LY96: variants seen among roughly 807,000 people sequenced by gnomAD.
LY96 encodes lymphocyte antigen 96.
In LY96, 18 loss-of-function variants were observed where a neutral mutation model predicts 18.9. The ratio of observed to expected loss-of-function variants is 0.95; its 90% CI spans 0.66 to 1.41. The LOEUF (loss-of-function observed/expected upper bound fraction) is 1.41, where lower values mean the gene tolerates loss of function less well. LY96 is among the 40% of genes most tolerant of loss of function. The pLI is 0.00. For synonymous variants in LY96, 66 were observed against 62.6 expected, an observed-to-expected ratio of 1.06 and a Z score of -0.26; for missense variants, 175 against 182.4, an observed-to-expected ratio of 0.96 and a Z score of 0.23.
the LY96 span, among the ~76,000 whole-genome samples, chr8:74,034,381 A>G: frequency 6.6e-6 from 1 of 152,194 alleles, no homozygotes; most frequent in Non-Finnish European, 1.5e-5. Context: ...CTTAAAAAAA[A>G]AAAAATTCTT....
At position 74,006,621 on chromosome 8, in the gene LY96, T is replaced by C. The variant is rs1816418004; in HGVS notation, c.202+1736T>C. On this transcript the variant is annotated intron_variant, in intron 2 of 4. Coordinates refer to ENST00000284818, the MANE Select transcript of LY96 (RefSeq NM_015364.5). The stretch of plus-strand genomic sequence containing the variant: ...AGTGACAGCACAGAGCAAAGGATGA[T>C]TAACTCTATTTCCTTCACTTTCCTG... Among the ~76,000 whole-genome samples, 4 of 152,248 alleles carry C rather than the reference T, an allele frequency of 2.6e-5. No homozygotes were observed. In the South Asian group the frequency reaches 8.3e-4, roughly 32 times the overall value.
chr8:74,022,200 G>A (rs1001431107), intron 3 of LY96, among the ~76,000 whole-genome samples: 1 of 152,130 alleles, frequency 6.6e-6, no homozygotes, highest in Non-Finnish European at 1.5e-5. Context: ...TTGAGGTTAG[G>A]AGTTCCAGAC....
chr8:74,063,165 G>A, the LY96 span, among the ~76,000 whole-genome samples: 1 of 152,176 alleles, frequency 6.6e-6, no homozygotes, highest in Non-Finnish European at 1.5e-5. Flanking sequence ...TTGTAACATG[G>A]ACCAACCCAT....
the LY96 span, among the ~76,000 whole-genome samples, chr8:74,037,018 G>A: frequency 6.6e-6 from 1 of 152,172 alleles, no homozygotes; most frequent in Admixed American, 6.6e-5. Context: ...TTAGGACAGG[G>A]TTCAGAACTG....
chr8:74,093,177 A>G, the LY96 span, among the ~76,000 whole-genome samples: 1 of 152,158 alleles, frequency 6.6e-6, no homozygotes, highest in Non-Finnish European at 1.5e-5. Context: ...CTCCTTCTGC[A>G]AGCCGAGCTC....
At chr8:74,057,556 G>A in the LY96 span, among the ~76,000 whole-genome samples, 59 of 152,220 alleles carry the variant, frequency 3.9e-4, no homozygotes, top group Middle Eastern at 0.031. Flanking sequence ...TTCAAACACA[G>A]CCATGTCTCA....
At chr8:74,013,769 A>T (rs1586655169) in intron 3 of LY96, among the ~76,000 whole-genome samples, 1 of 152,264 alleles carries the variant, frequency 6.6e-6, no homozygotes, top group East Asian at 1.9e-4. Context: ...AGTATGGTTT[A>T]TTTGGAGAGT....
chr8:74,089,093 G>C, the LY96 span, among the ~76,000 whole-genome samples: 1 of 152,160 alleles, frequency 6.6e-6, no homozygotes, highest in Non-Finnish European at 1.5e-5. Context: ...GATAGGGTTA[G>C]TCCTAGGCTG....
chr8:74,034,420 G>T, the LY96 span, among the ~76,000 whole-genome samples: 1 of 151,944 alleles, frequency 6.6e-6, no homozygotes, highest in African/African-American at 2.4e-5. Context: ...AGAGAAAGAG[G>T]TTGTTTCAAA....
chr8:74,054,624 CTTT>C, the LY96 span, among the ~76,000 whole-genome samples: 5 of 89,136 alleles, frequency 5.6e-5, no homozygotes, highest in African/African-American at 2.5e-4. Context: ...TTCCTTCTTT[CTTT>C]CTTTCTTTCT....
intron 1 of LY96, among the ~76,000 whole-genome samples, chr8:73,991,897 G>A (rs1007072213): frequency 1.3e-5 from 2 of 152,088 alleles, no homozygotes; most frequent in African/African-American, 4.8e-5. Flanking sequence ...ACACTTACTA[G>A]TTCTTCTTCT....
At chr8:74,096,794 A>T in the LY96 span, among the ~76,000 whole-genome samples, 1 of 152,184 alleles carries the variant, frequency 6.6e-6, no homozygotes, top group African/African-American at 2.4e-5. Flanking sequence ...AAAGCTATAG[A>T]TGCTAGGATG....
At chr8:74,063,613 C>G in the LY96 span, among the ~76,000 whole-genome samples, 1 of 151,972 alleles carries the variant, frequency 6.6e-6, no homozygotes, top group African/African-American at 2.4e-5. Context: ...AACTAATACC[C>G]TTACAATATT....
the LY96 span, among the ~76,000 whole-genome samples, chr8:74,053,712 A>G: frequency 6.6e-6 from 1 of 152,250 alleles, no homozygotes; most frequent in African/African-American, 2.4e-5. Flanking sequence ...AAGTAATGCT[A>G]TGATTTGAAT....
chr8:74,065,680 CA>C, the LY96 span, among the ~76,000 whole-genome samples: 9 of 152,314 alleles, frequency 5.9e-5, no homozygotes, highest in African/African-American at 1.7e-4. Context: ...AAATTACTAA[CA>C]TTACTTATCC....
At chr8:74,056,434 C>A in the LY96 span, 1 of 207,266 alleles carries the variant, frequency 4.8e-6, no homozygotes, top group Non-Finnish European at 9.7e-6. Context: ...TTAGACAGCA[C>A]TAGAAAGACA....
the LY96 span, among the ~76,000 whole-genome samples, chr8:74,095,380 A>C: frequency 1.3e-5 from 2 of 152,200 alleles, no homozygotes; most frequent in Non-Finnish European, 2.9e-5. Context: ...TTTAAGGGCC[A>C]TAGGGATTGT....
chr8:74,011,726 G>A, intron 3 of LY96, among the ~76,000 whole-genome samples: 1 of 152,074 alleles, frequency 6.6e-6, no homozygotes, highest in Non-Finnish European at 1.5e-5. Flanking sequence ...AGGTGTGGTG[G>A]CATGCGCCTG....
At chr8:74,016,430 G>A (rs1816643594) in intron 3 of LY96, among the ~76,000 whole-genome samples, 1 of 152,236 alleles carries the variant, frequency 6.6e-6, no homozygotes, top group African/African-American at 2.4e-5. Flanking sequence ...ACCTCTGGGG[G>A]CAGGGTATAG....
Sources: allele counts gnomAD v4.1 joint callset (sites outside exome capture counted in the v4.1 genomes callset), GRCh38; gene constraint gnomAD v4.1.1; transcripts MANE v1.5; gene names NCBI Gene and HGNC (gene_info 2026-07-23, HGNC 2026-07-21).